Variants in TREML4 observed in about 807,000 individuals in gnomAD.
The protein encoded by TREML4 is trem-like transcript 4 protein.
In TREML4, 25 loss-of-function variants were observed where a neutral mutation model predicts 25.4. That is an observed-to-expected ratio of 0.98 (90% CI 0.72 to 1.37). The LOEUF is 1.37. TREML4 is among the 40% of genes most tolerant of loss of function. The pLI, the probability that TREML4 is intolerant of heterozygous loss-of-function variation, is 0.00. For missense variants in TREML4, 268 were observed against 236.5 expected, an observed-to-expected ratio of 1.13 and a Z score of -0.87; for synonymous variants, 92 against 87.9, an observed-to-expected ratio of 1.05 and a Z score of -0.26.
At chr6:41,230,593 T>A (rs1582115523) in intron 4 of TREML4, among the ~76,000 whole-genome samples, 1 of 152,062 alleles carries the variant, frequency 6.6e-6, no homozygotes, top group African/African-American at 2.4e-5. Flanking sequence ...ATAGACTAGG[T>A]CACAGGTGCT....
At chr6:41,231,675 G>A (rs1450751310) in intron 4 of TREML4, among the ~76,000 whole-genome samples, 1 of 152,166 alleles carries the variant, frequency 6.6e-6, no homozygotes, top group Admixed American at 6.6e-5. Context: ...TGTGATGAAG[G>A]ATGGCTGTGG....
chr6:41,230,353 T>A (rs1174448220), intron 4 of TREML4, among the ~76,000 whole-genome samples: 1 of 152,128 alleles, frequency 6.6e-6, no homozygotes, highest in Non-Finnish European at 1.5e-5. Flanking sequence ...CAGTTCAACA[T>A]GGATTTCTGC....
intron 3 of TREML4, 30 bp from the exon 4 acceptor site, chr6:41,230,032 C>A: frequency 1.3e-6 from 2 of 1,577,038 alleles, no homozygotes; most frequent in South Asian, 1.1e-5. Flanking sequence ...GTGCCCTGGG[C>A]AGCCACTGTC....
chr6:41,231,562 G>A (rs1226920673), intron 4 of TREML4, among the ~76,000 whole-genome samples: 1 of 152,106 alleles, frequency 6.6e-6, no homozygotes, highest in Non-Finnish European at 1.5e-5. Context: ...CTGGCTAAAG[G>A]GGTGAGGGGA....
At position 41,228,997 on chromosome 6, in the gene TREML4, A is replaced by G. The variant is rs1582114104; in HGVS notation, c.347A>G (p.Glu116Gly). The G allele has an allele frequency of 3.7e-6, 6 of 1,614,110 alleles. No homozygotes were observed. Among genetic ancestry groups the G allele is most frequent in the Non-Finnish European group, 3.4e-6 (4 of 1,179,966 alleles). The stretch of plus-strand genomic sequence containing the variant: ...TGGTGTGGAATCTACAACGCTTCCG[A>G]AAACATCATCACTGTTCTTAGAAAT... ...FYWCGIYNASENIITVLRNIS... is the reference protein window; with the variant it reads ...FYWCGIYNASGNIITVLRNIS... The change falls in exon 2 of 6, where the codon GAA (glutamate) becomes GGA (glycine). Residue 116 changes from glutamate (E) to glycine (G), a missense_variant. Coordinates refer to ENST00000341495, the MANE Select transcript of TREML4 (RefSeq NM_198153.3).
At chr6:41,230,659 T>G (rs555593770) in intron 4 of TREML4, among the ~76,000 whole-genome samples, 6 of 152,248 alleles carry the variant, frequency 3.9e-5, no homozygotes, top group Non-Finnish European at 8.8e-5. Flanking sequence ...AATAGACAAC[T>G]AACTGCCAGA....
At chr6:41,234,040 G>C (rs4714439) in intron 4 of TREML4, among the ~76,000 whole-genome samples, 128,026 of 151,664 alleles carry the variant, frequency 0.84, 54,770 homozygotes, top group East Asian at 0.95. Flanking sequence ...AGATAGTATA[G>C]ATTCTTTCAA....
At chr6:41,229,081 C>T (rs1006850901) in intron 2 of TREML4, 37 bp downstream of exon 2, 5 of 1,544,168 alleles carry the variant, frequency 3.2e-6, no homozygotes, top group Admixed American at 1.7e-5. Flanking sequence ...TCTGTGCCAC[C>T]CCCCAGGGAC....
At chr6:41,230,655 CAACT>C (rs1473555930) in intron 4 of TREML4, among the ~76,000 whole-genome samples, 4 of 152,170 alleles carry the variant, frequency 2.6e-5, no homozygotes, top group Non-Finnish European at 5.9e-5. Flanking sequence ...TGAAAATAGA[CAACT>C]AACTGCCAGA....
intron 5 of TREML4, among the ~76,000 whole-genome samples, chr6:41,236,833 C>T (rs1015784411): frequency 6.6e-6 from 1 of 152,094 alleles, no homozygotes; most frequent in Non-Finnish European, 1.5e-5. Context: ...CAGGGCTCTG[C>T]CTCTGTCTCT....
rs1006123650 is a variant in TREML4 at position 41,229,051 on chromosome 6, T to C, written c.394+7T>C. The C allele has an allele frequency of 4.4e-6, 7 of 1,606,416 alleles. No homozygotes were observed. Among genetic ancestry groups the C allele is most frequent in the Non-Finnish European group, 6.0e-6 (7 of 1,175,256 alleles). ...AGCCTGGTGGTGTCTCCAGGTGAGC[T>C]CTTTTCTTGAGGAAATACCTCTGTG... On this transcript the variant is annotated splice_region_variant and intron_variant, in intron 2 of 5. Coordinates refer to ENST00000341495, the MANE Select transcript of TREML4 (RefSeq NM_198153.3).
chr6:41,235,120 G>A (rs943757039), intron 4 of TREML4, among the ~76,000 whole-genome samples: 2 of 152,006 alleles, frequency 1.3e-5, no homozygotes, highest in African/African-American at 2.4e-5. Flanking sequence ...CAGGAAAAAA[G>A]TCAACTGCTG....
chr6:41,229,553 T>C lies in TREML4; in HGVS notation c.427T>C (p.Trp143Arg). Residue 143 changes from tryptophan to arginine, a missense_variant, in exon 3 of 6, where the codon TGG becomes CGG. Transcript: ENST00000341495. The stretch of plus-strand genomic sequence containing the variant: ...CACGTCTCCTATGTGGACTCTTCCC[T>C]GGCTCCCAACAAGCACAGGTAGGTT... Reference protein sequence around the residue: ...PTTSPMWTLPWLPTSTVLITS... With the variant: ...PTTSPMWTLPRLPTSTVLITS... The C allele has an allele frequency of 6.2e-7, 1 of 1,613,852 alleles. No homozygotes were observed. The highest frequency in any genetic ancestry group is 8.5e-7 in the Non-Finnish European group (1 of 1,179,886).
intron 4 of TREML4, chr6:41,232,291 G>A (rs760777033): frequency 1.6e-5 from 5 of 321,306 alleles, no homozygotes; most frequent in African/African-American, 2.2e-5. Context: ...CCCTGGAGAC[G>A]CTGCTAGAAG....
At chr6:41,229,971 C>G in intron 3 of TREML4, 91 bp from the exon 4 acceptor site, 53 of 1,059,644 alleles carry the variant, frequency 5.0e-5, no homozygotes, top group Non-Finnish European at 7.2e-5. Context: ...GCCTCTGGCC[C>G]CTCTCCCCTT....
intron 2 of TREML4, 119 bp downstream of exon 2, chr6:41,229,163 C>A: frequency 1.1e-6 from 1 of 874,594 alleles, no homozygotes; most frequent in South Asian, 1.7e-5. Context: ...CTGCTGTGGT[C>A]CAAGGGGAGC....
chr6:41,237,600 C>A lies in TREML4; in HGVS notation c.*581C>A, dbSNP rs920864561. 6.6e-6 allele frequency: 1 copy of A among 152,134 alleles called. No homozygotes were observed. Among genetic ancestry groups the A allele is most frequent in the Non-Finnish European group, 1.5e-5 (1 of 68,044 alleles). 9.4% of individuals were successfully genotyped at this position (152,134 alleles called of 1,614,324 possible). A position where few individuals can be genotyped will look rare whatever the true frequency, so the allele number is the denominator to read the frequency against. On this transcript the variant is annotated 3_prime_UTR_variant, in exon 6 of 6. Coordinates refer to ENST00000341495, the MANE Select transcript of TREML4 (RefSeq NM_198153.3). ...CAGTTGTATCCCCTCACCTTCCTCC[C>A]GTCCCACCCCAGATATCCTAAATGA...
At chr6:41,229,607 G>A (rs1424466806) in intron 3 of TREML4, 36 bp downstream of exon 3, 9 of 1,609,562 alleles carry the variant, frequency 5.6e-6, no homozygotes, top group African/African-American at 1.3e-5. Flanking sequence ...AGATTAGAAG[G>A]GTCACCAGGC....
At chr6:41,231,665 T>C (rs1431714524) in intron 4 of TREML4, among the ~76,000 whole-genome samples, 1 of 152,098 alleles carries the variant, frequency 6.6e-6, no homozygotes, top group East Asian at 1.9e-4. Flanking sequence ...CCACAATATA[T>C]GTGATGAAGG....
Sources: allele counts gnomAD v4.1 joint callset (sites outside exome capture counted in the v4.1 genomes callset), GRCh38; gene constraint gnomAD v4.1.1; transcripts MANE v1.5; gene names NCBI Gene and HGNC (gene_info 2026-07-23, HGNC 2026-07-21).